The following GLS variants were observed in gnomAD, a reference collection of about 807,000 sequenced individuals.
GLS encodes the protein glutaminase, also known as glutaminase kidney isoform, mitochondrial.
Under a neutral mutation model 86.7 loss-of-function variants are expected in GLS, and 36 were observed. The ratio of observed to expected loss-of-function variants is 0.42; its 90% confidence interval spans 0.32 to 0.55. The LOEUF is 0.55. GLS is among the 20% of genes least tolerant of loss of function. The pLI is 0.17. For missense variants in GLS, 528 were observed against 833.4 expected (o/e 0.63, Z 4.51); for synonymous variants, 317 against 305.9 (o/e 1.04, Z -0.38).
At position 190,881,142 on chromosome 2, in the gene GLS, G is replaced by T; in HGVS notation, c.58G>T (p.Gly20Cys). ...GGACCTGCTCCTGCGGTCGCCCGCCGGCGTGAGCGCGACTCTGCGGCGGGC... is the reference window on the plus strand; with the variant it reads ...GGACCTGCTCCTGCGGTCGCCCGCCTGCGTGAGCGCGACTCTGCGGCGGGC... ...LRDLLLRSPA[G>C]VSATLRRAQP... Residue 20 changes from glycine to cysteine, a missense_variant, in exon 1 of 18, where the codon GGC becomes TGC. Gly to Cys is a radical substitution (Grantham distance 159, BLOSUM62 -3). Coordinates refer to ENST00000320717, the MANE Select transcript of GLS (RefSeq NM_014905.5). The T allele has an allele frequency of 6.4e-7, 1 of 1,558,792 alleles. No homozygotes were observed. The highest frequency in any genetic ancestry group is 1.2e-5 in the South Asian group (1 of 86,084).
intron 7 of GLS, among the ~76,000 whole-genome samples, chr2:190,910,561 G>A (rs1689322219): frequency 6.7e-6 from 1 of 148,934 alleles, no homozygotes; most frequent in African/African-American, 2.5e-5. Flanking sequence ...CTCTTGACTT[G>A]AAGATCTGGA....
chr2:190,915,381 T>G (rs943115818), intron 7 of GLS, among the ~76,000 whole-genome samples: 10 of 152,174 alleles, frequency 6.6e-5, no homozygotes, highest in African/African-American at 2.2e-4. Flanking sequence ...AAAAATCATT[T>G]GGTGAGTGGA....
At position 190,931,590 on chromosome 2, in the gene GLS, C is replaced by A; in HGVS notation, c.1603C>A (p.His535Asn). ...TTTCCATAACTATGATAATTTGAGA[C>A]ACTTTGCAAAAAAACTTGATCCTCG... The part of the protein sequence containing the change: ...CNFHNYDNLR[H>N]FAKKLDPRRE... The change falls in exon 14 of 18, where the codon CAC becomes AAC. Residue 535 changes from histidine (H) to asparagine (N), a missense_variant. Around this residue, in one of 4 missense-constraint regions of GLS, gnomAD observed 163 missense variants for 429.2 expected, o/e 0.38. Coordinates refer to ENST00000320717, the MANE Select transcript of GLS (RefSeq NM_014905.5). 6.3e-7 allele frequency: 1 copy of A among 1,587,022 alleles called. No homozygotes were observed. Among genetic ancestry groups the A allele is most frequent in the Non-Finnish European group, 8.6e-7 (1 of 1,158,072 alleles).
At chr2:190,881,699 CG>C (rs1312263889) in intron 1 of GLS, 5 of 463,902 alleles carry the variant, frequency 1.1e-5, no homozygotes, top group Admixed American at 4.5e-5. Context: ...CCGCCCCCGG[CG>C]GGGGTCGCCC....
At chr2:190,918,220 A>C (rs1689608000) in intron 7 of GLS, among the ~76,000 whole-genome samples, 1 of 152,180 alleles carries the variant, frequency 6.6e-6, no homozygotes, top group Non-Finnish European at 1.5e-5. Flanking sequence ...AGGCTGTTTC[A>C]TCTACATTTA....
chr2:190,883,164 GT>G (rs1688263444), intron 1 of GLS, among the ~76,000 whole-genome samples: 1 of 152,140 alleles, frequency 6.6e-6, no homozygotes, highest in Admixed American at 6.5e-5. Flanking sequence ...GAAGTTTCTG[GT>G]TTCATTGCCT....
Position 190,920,676 on chromosome 2 carries a change from T to C in GLS, c.1039-348T>C, listed in dbSNP as rs1689700879. ...GGGTGAAACTTTATTTTAAGTTTTTTTAAATATAAGATTAAATAAATAACA... is the reference window on the plus strand; with the variant it reads ...GGGTGAAACTTTATTTTAAGTTTTTCTAAATATAAGATTAAATAAATAACA... On this transcript the variant is annotated intron_variant, in intron 7 of 17. Coordinates refer to ENST00000320717, the MANE Select transcript of GLS (RefSeq NM_014905.5). This position sits in a 1 kb window ranked among gnomAD's most constrained non-coding sequence, Gnocchi z 4.2. Among the ~76,000 whole-genome samples, 1 of 151,796 alleles carries C rather than the reference T, an allele frequency of 6.6e-6. No individual in the cohort carries two copies. The highest frequency in any genetic ancestry group is 6.6e-5 in the Admixed American group (1 of 15,246).
At position 190,928,233 on chromosome 2, in the gene GLS, A is replaced by G. The variant is rs557119327; in HGVS notation, c.1425+751A>G. On this transcript the variant is annotated intron_variant, in intron 12 of 17. Coordinates refer to ENST00000320717, the MANE Select transcript of GLS (RefSeq NM_014905.5). The stretch of plus-strand genomic sequence containing the variant: ...TTTTTACATATAAAAATTAAATATT[A>G]CATATCAAAACTTTAATATCATTAT... Among the ~76,000 whole-genome samples, 113 of 152,096 alleles carry G rather than the reference A, an allele frequency of 7.4e-4. 6 individuals carry two copies. Among genetic ancestry groups the G allele is most frequent in the Non-Finnish European group, 4.0e-4 (27 of 68,010 alleles).
rs560673295 is a variant in GLS at position 190,932,921 on chromosome 2, T to G, written c.1650+1284T>G. On this transcript the variant is annotated intron_variant, in intron 14 of 17. Coordinates refer to ENST00000320717, the MANE Select transcript of GLS (RefSeq NM_014905.5). ...TTTAATCTTTCAAACATCTTTAGCT[T>G]TTTTTTGCAAGTTATAAATATTTAT... is the stretch of plus-strand genomic sequence containing the variant. 2.2e-6 allele frequency: 3 copies of G among 1,375,862 alleles called. No homozygotes were observed. In the African/African-American group the frequency reaches 4.5e-5, roughly 20 times the overall value. The allele number at this position is 1,375,862 out of a possible 1,614,324, so 85.2% of individuals were successfully genotyped here.
intron 3 of GLS, among the ~76,000 whole-genome samples, chr2:190,898,604 T>C (rs1031214465): frequency 1.3e-5 from 2 of 152,242 alleles, no homozygotes; most frequent in African/African-American, 4.8e-5. Context: ...ATTTGTAAAG[T>C]TTCACTGAGT....
rs1036257668 is a variant in GLS at position 190,930,791 on chromosome 2, A to G, written c.1557+223A>G. Among the ~76,000 whole-genome samples, 1 of 152,216 alleles carries G rather than the reference A, an allele frequency of 6.6e-6. No individual in the cohort carries two copies. Among genetic ancestry groups the G allele is most frequent in the Admixed American group, 6.5e-5 (1 of 15,282 alleles). On this transcript the variant is annotated intron_variant, in intron 13 of 17. Transcript: ENST00000320717. This position sits in a 1 kb window ranked among gnomAD's most constrained non-coding sequence, Gnocchi z 5.0. ...CAGATTATATTTGTTAGATGCTAAT[A>G]TTTTAATTTTCATGGTTATAATTAG...
intron 3 of GLS, among the ~76,000 whole-genome samples, chr2:190,898,557 GGAACA>G (rs1454373708): frequency 1.3e-5 from 2 of 152,190 alleles, no homozygotes; most frequent in African/African-American, 4.8e-5. Flanking sequence ...GAAGGCTGTT[GGAACA>G]GCTTTACCAG....
At chr2:190,901,628 T>G in intron 4 of GLS, among the ~76,000 whole-genome samples, 1 of 151,866 alleles carries the variant, frequency 6.6e-6, no homozygotes, top group East Asian at 1.9e-4. Flanking sequence ...ATAAATTTAC[T>G]TTTTTCCTGC....
Position 190,881,458 on chromosome 2 carries a change from C to T in GLS, c.374C>T (p.Ala125Val). The change falls in exon 1 of 18, where the codon GCC becomes GTC. Residue 125 changes from alanine to valine, a missense_variant. By Grantham distance (64) the Ala-to-Val change is moderately conservative. Coordinates refer to ENST00000320717, the MANE Select transcript of GLS (RefSeq NM_014905.5). ...FGNSEGKELV[A>V]SGENKIKQGL... ...AACAGCGAGGGCAAAGAGCTGGTGG[C>T]CTCAGGTGAAAAGTGAGTGTCTCCG... is the stretch of plus-strand genomic sequence containing the variant. The T allele has an allele frequency of 6.5e-7, 1 of 1,541,490 alleles. No homozygotes were observed. Among genetic ancestry groups the T allele is most frequent in the Non-Finnish European group, 8.7e-7 (1 of 1,143,062 alleles).
chr2:190,940,912 C>T (rs554491802), intron 14 of GLS, among the ~76,000 whole-genome samples: 1 of 151,910 alleles, frequency 6.6e-6, no homozygotes, highest in Non-Finnish European at 1.5e-5. Context: ...CAAGTAAGAA[C>T]TAAAAAAGAT....
chr2:190,925,258 A>G (rs1424134626), intron 11 of GLS, among the ~76,000 whole-genome samples: 1 of 152,094 alleles, frequency 6.6e-6, no homozygotes, highest in African/African-American at 2.4e-5. Context: ...CTTATTCAGC[A>G]TTTAAAAGTG....
rs867346252 is a variant in GLS at position 190,963,205 on chromosome 2, G to A, written c.*219G>A. On this transcript the variant is annotated 3_prime_UTR_variant, in exon 18 of 18. Coordinates refer to ENST00000320717, the MANE Select transcript of GLS (RefSeq NM_014905.5). ...TCCATAATGTGAGCAATATTACCTC[G>A]TGCATTGTATAATTTGATGTAAAAG... 1.8e-5 allele frequency: 7 copies of A among 397,556 alleles called. No homozygotes were observed. The highest frequency in any genetic ancestry group is 6.7e-4 in the Middle Eastern group (1 of 1,490). 24.6% of individuals were successfully genotyped at this position (397,556 alleles called of 1,614,324 possible).
chr2:190,910,829 T>C (rs1298399152), intron 7 of GLS, among the ~76,000 whole-genome samples: 1 of 151,448 alleles, frequency 6.6e-6, no homozygotes, highest in African/African-American at 2.4e-5. Context: ...TATTGGAACT[T>C]GTTTCATTTG....
At position 190,927,420 on chromosome 2, in the gene GLS, AAT is replaced by A; in HGVS notation, c.1365_1366del (p.Thr456IlefsTer11). The A allele has an allele frequency of 6.2e-7, 1 of 1,613,822 alleles. No individual in the cohort carries two copies. The highest frequency in any genetic ancestry group is 8.5e-7 in the Non-Finnish European group (1 of 1,179,824). On this transcript the variant is annotated frameshift_variant, in exon 12 of 18. Transcript: ENST00000320717. LOFTEE classifies it high-confidence loss of function. ...ERVLSPEAVR[N>X]TLSLMHSCGM... is the part of the protein sequence containing the mutation. ...AGTACTGAGCCCTGAAGCAGTTCGA[AAT>A]ACATTGAGTTTGATGCATTCCTGTG...
Sources: allele counts gnomAD v4.1 joint callset (sites outside exome capture counted in the v4.1 genomes callset), GRCh38; gene constraint gnomAD v4.1.1; regional missense constraint gnomAD v4.1.1; non-coding constraint Gnocchi (gnomAD v3.1); transcripts MANE v1.5; gene names NCBI Gene and HGNC (gene_info 2026-07-23, HGNC 2026-07-21).